CYFIP1: variants seen among roughly 807,000 people sequenced by gnomAD.
CYFIP1 encodes the protein cytoplasmic FMR1-interacting protein 1.
CYFIP1 carries 58 observed loss-of-function variants against 163.5 expected under a neutral mutation model. The ratio of observed to expected loss-of-function variants is 0.35; its 90% confidence interval spans 0.29 to 0.44. CYFIP1 has a LOEUF of 0.44. CYFIP1 is among the 20% of genes least tolerant of loss of function. The pLI is 1.00. For synonymous variants in CYFIP1, 663 were observed against 660.7 expected, an observed-to-expected ratio of 1.00 and a Z score of -0.05; for missense variants, 1,338 against 1,653.8, an observed-to-expected ratio of 0.81 and a Z score of 3.31.
Position 22,874,643 on chromosome 15 carries a change from C to A in CYFIP1, c.3117G>T (p.Glu1039Asp), listed in dbSNP as rs780924259. Residue 1039 changes from glutamate (E) to aspartate (D), a missense_variant and splice_region_variant, in exon 28 of 31, where the codon GAG becomes GAT. Coordinates refer to ENST00000617928, the MANE Select transcript of CYFIP1 (RefSeq NM_014608.6). Reference protein sequence around the residue: ...QNILPRVHVKEGERLDAKMKR... With the variant: ...QNILPRVHVKDGERLDAKMKR... Reference sequence around the variant, plus strand: ...TCATTTTGGCATCAAGTCTCTCCCCCTCTGCAGTAGAAAAAATATTTTACT... The same window carrying A: ...TCATTTTGGCATCAAGTCTCTCCCCATCTGCAGTAGAAAAAATATTTTACT... 2.5e-6 allele frequency: 4 copies of A among 1,586,836 alleles called. No individual in the cohort carries two copies. Among genetic ancestry groups the A allele is most frequent in the Non-Finnish European group, 3.4e-6 (4 of 1,169,812 alleles).
At chr15:22,873,942 G>C (rs1183639138) in intron 28 of CYFIP1, among the ~76,000 whole-genome samples, 1 of 152,138 alleles carries the variant, frequency 6.6e-6, no homozygotes, top group Admixed American at 6.5e-5. Context: ...ATTTTTTGTA[G>C]AGATGGGGTT....
At chr15:22,971,465 G>C (rs2063091540) in intron 1 of CYFIP1, among the ~76,000 whole-genome samples, 1 of 152,164 alleles carries the variant, frequency 6.6e-6, no homozygotes, top group South Asian at 2.1e-4. Context: ...TTGAGGTCAG[G>C]AGTTCCAGAC....
intron 1 of CYFIP1, among the ~76,000 whole-genome samples, chr15:22,974,062 G>C (rs1169405789): frequency 6.6e-6 from 1 of 152,182 alleles, no homozygotes; most frequent in East Asian, 1.9e-4. Context: ...GGAAACCCTT[G>C]TACACTGTTG....
chr15:22,883,300 C>T (rs549331631), intron 23 of CYFIP1, among the ~76,000 whole-genome samples: 23 of 152,278 alleles, frequency 1.5e-4, no homozygotes, highest in South Asian at 1.0e-3. Flanking sequence ...GAAATGAATA[C>T]GACCCAGAGT....
At chr15:22,875,766 C>G (rs1225390877) in intron 26 of CYFIP1, among the ~76,000 whole-genome samples, 1 of 151,668 alleles carries the variant, frequency 6.6e-6, no homozygotes, top group Non-Finnish European at 1.5e-5. Context: ...GTGTCCACAT[C>G]CACTCATTCC....
intron 23 of CYFIP1, among the ~76,000 whole-genome samples, chr15:22,886,414 CAAAT>C (rs1459647057): frequency 2.0e-5 from 3 of 152,242 alleles, no homozygotes; most frequent in East Asian, 1.9e-4. Context: ...CCAAATAAAT[CAAAT>C]AAATAAATCG....
At position 22,926,014 on chromosome 15, in the gene CYFIP1, A is replaced by G; in HGVS notation, c.1327T>C (p.Tyr443His). The change falls in exon 13 of 31, where the codon TAC becomes CAC. Residue 443 changes from tyrosine to histidine, a missense_variant. Tyr to His is a moderately conservative substitution (Grantham distance 83). Coordinates refer to ENST00000617928, the MANE Select transcript of CYFIP1 (RefSeq NM_014608.6). ...AGGGCAAACTTCTCCTCGCTGGTGT[A>G]GTTGTAGCGCGTGGCACGCTCGTAC... is the stretch of plus-strand genomic sequence containing the variant. ...EEYERATRYN[Y>H]TSEEKFALVE... 1 of 1,614,012 alleles carries G rather than the reference A, an allele frequency of 6.2e-7. No individual in the cohort carries two copies. The highest frequency in any genetic ancestry group is 8.5e-7 in the Non-Finnish European group (1 of 1,179,946).
At chr15:22,886,251 A>T (rs2059924373) in intron 23 of CYFIP1, among the ~76,000 whole-genome samples, 1 of 152,088 alleles carries the variant, frequency 6.6e-6, no homozygotes, top group African/African-American at 2.4e-5. Flanking sequence ...TTCAGATGAG[A>T]TTTGGGTGTG....
rs1422384277 is a variant in CYFIP1 at position 22,868,331 on chromosome 15, CAG to C, written c.*1695_*1696del. ...GAACCAGTTTTCTCCCCCTTGAGGA[CAG>C]AGACTCATTTGAACATGCATAGGTT... On this transcript the variant is annotated 3_prime_UTR_variant, in exon 31 of 31. Coordinates refer to ENST00000617928, the MANE Select transcript of CYFIP1 (RefSeq NM_014608.6). The C allele has an allele frequency of 2.6e-5, 4 of 152,134 alleles. No individual in the cohort carries two copies. Among genetic ancestry groups the C allele is most frequent in the African/African-American group, 7.2e-5 (3 of 41,408 alleles). 9.4% of individuals were successfully genotyped at this position (152,134 alleles called of 1,614,324 possible).
chr15:22,951,953 A>G lies in CYFIP1; in HGVS notation c.-6-4662T>C, dbSNP rs920254801. 3.3e-5 allele frequency among the ~76,000 whole-genome samples: 5 copies of G among 152,168 alleles called. 1 individual carries two copies. Among genetic ancestry groups the G allele is most frequent in the African/African-American group, 4.8e-5 (2 of 41,420 alleles). On this transcript the variant is annotated intron_variant, in intron 1 of 30. Transcript: ENST00000617928. Reference sequence around the variant, plus strand: ...CCAGATAACGCAGCTTGTTGAACCCATGGAAAAACGCCAGATGCGCAGCTT... The same window carrying G: ...CCAGATAACGCAGCTTGTTGAACCCGTGGAAAAACGCCAGATGCGCAGCTT...
At chr15:22,907,393 G>T (rs534622118) in intron 21 of CYFIP1, among the ~76,000 whole-genome samples, 56 of 152,262 alleles carry the variant, frequency 3.7e-4, no homozygotes, top group African/African-American at 1.1e-3. Context: ...GTATCCCCAG[G>T]GCTGGCACAA....
Position 22,944,959 on chromosome 15 carries a change from A to C in CYFIP1, c.208-20T>G. The C allele has an allele frequency of 1.2e-6, 2 of 1,610,342 alleles. No homozygotes were observed. Among genetic ancestry groups the C allele is most frequent in the Non-Finnish European group, 1.7e-6 (2 of 1,176,540 alleles). On this transcript the variant is annotated intron_variant, in intron 3 of 30. Coordinates refer to ENST00000617928, the MANE Select transcript of CYFIP1 (RefSeq NM_014608.6). ...CTCGTTCTGCAATGGAACACAGGGC[A>C]AATCAAAGGCAGGCGGGGGAACTAG... is the stretch of plus-strand genomic sequence containing the variant.
intron 23 of CYFIP1, among the ~76,000 whole-genome samples, chr15:22,884,128 G>A (rs1156396549): frequency 6.6e-6 from 1 of 151,954 alleles, no homozygotes; most frequent in African/African-American, 2.4e-5. Flanking sequence ...ATTTGGGTGG[G>A]GGACACAGCC....
chr15:22,937,596 C>CTTTTTTTTTTTTTTTTTTTTTT (rs919893437), intron 8 of CYFIP1, among the ~76,000 whole-genome samples: 2 of 143,746 alleles, frequency 1.4e-5, no homozygotes, highest in Non-Finnish European at 3.1e-5. Flanking sequence ...ACTAAAAATT[C>CTTTTTTTTTTTTTTTTTTTTTT]TTTTTTTGTT....
chr15:22,945,033 C>T, intron 3 of CYFIP1, 94 bp from the exon 4 acceptor site: 1 of 1,151,466 alleles, frequency 8.7e-7, no homozygotes, highest in Non-Finnish European at 1.3e-6. Flanking sequence ...GCGCCACAAA[C>T]TATCCTAAGC....
At chr15:22,966,520 C>A (rs1937572353) in intron 1 of CYFIP1, among the ~76,000 whole-genome samples, 1 of 152,050 alleles carries the variant, frequency 6.6e-6, no homozygotes, top group African/African-American at 2.4e-5. Context: ...CTTGGATGTC[C>A]AGCCTCCAGA....
At chr15:22,967,262 A>G (rs1431776135) in intron 1 of CYFIP1, among the ~76,000 whole-genome samples, 1 of 152,116 alleles carries the variant, frequency 6.6e-6, no homozygotes, top group East Asian at 1.9e-4. Context: ...AATCTTGGAG[A>G]GTCTTCCTCA....
chr15:22,944,238 C>CAAAAAAAAAAAAAAAAAAAAAAAAAAAA (rs34662161), intron 5 of CYFIP1, among the ~76,000 whole-genome samples: 1 of 94,982 alleles, frequency 1.1e-5, no homozygotes. Flanking sequence ...GACTCTGTCT[C>CAAAAAAAAAAAAAAAAAAAAAAAAAAAA]AAAAAAAAAA....
At chr15:22,976,939 C>T (rs2063301591) in intron 1 of CYFIP1, among the ~76,000 whole-genome samples, 1 of 152,156 alleles carries the variant, frequency 6.6e-6, no homozygotes, top group Admixed American at 6.5e-5. Context: ...GTGGCTCACG[C>T]CTATAATCCT....
Sources: gnomAD v4.1 joint callset for allele counts (sites outside exome capture counted in the v4.1 genomes callset) on GRCh38, gnomAD v4.1.1 for gene constraint, MANE v1.5 for transcripts, NCBI Gene and HGNC (gene_info 2026-07-23, HGNC 2026-07-21) for gene names.